The following HRK variants were observed in gnomAD, a reference collection of about 807,000 sequenced individuals.
HRK encodes the protein activator of apoptosis harakiri.
A neutral mutation model predicts 5.9 loss-of-function variants in HRK; 6 were observed. That is an observed-to-expected ratio of 1.02 (90% CI 0.56 to 2.01). The LOEUF is 2.01. Ranked by LOEUF, HRK falls within the 30% of genes most tolerant of loss-of-function variation. HRK has a pLI of 0.00. For missense variants in HRK, 133 were observed against 128.3 expected (o/e 1.04, Z -0.18); for synonymous variants, 85 against 65.1 (o/e 1.31, Z -1.47).
chr12:116,881,293 G>GGGGCAC lies in HRK; in HGVS notation c.9_14dup (p.Cys4_Pro5dup). 9.3e-7 allele frequency: 1 copy of GGGGCAC among 1,071,258 alleles called. No homozygotes were observed. The highest frequency in any genetic ancestry group is 1.1e-6 in the Non-Finnish European group (1 of 887,224). The allele number at this position is 1,071,258 out of a possible 1,614,324, so 66.4% of individuals were successfully genotyped here. A position where few individuals can be genotyped will look rare whatever the true frequency, so the allele number is the denominator to read the frequency against. Reference sequence around the variant, plus strand: ...CCGGGGGGCCGCGGCCGCGGTGCAGGGGGCACGGGCACATGACCGCTGGCC... The same window carrying GGGGCAC: ...CCGGGGGGCCGCGGCCGCGGTGCAGGGGGCACGGGCACGGGCACATGACCGCTGGCC... On this transcript the variant is annotated inframe_insertion, in exon 1 of 2. Transcript: ENST00000257572.
At chr12:116,874,106 T>C (rs1033181709) in intron 1 of HRK, among the ~76,000 whole-genome samples, 3 of 152,098 alleles carry the variant, frequency 2.0e-5, no homozygotes, top group African/African-American at 7.2e-5. Context: ...CTGGTTTATT[T>C]CTACTAAGAG....
chr12:116,865,698 G>T (rs374717382), intron 1 of HRK, among the ~76,000 whole-genome samples: 6 of 152,226 alleles, frequency 3.9e-5, no homozygotes, highest in African/African-American at 1.4e-4. Context: ...CAGTATTACC[G>T]GCTGGTTGTG....
chr12:116,869,179 G>A (rs965452570), intron 1 of HRK, among the ~76,000 whole-genome samples: 4 of 152,010 alleles, frequency 2.6e-5, no homozygotes, highest in Non-Finnish European at 4.4e-5. Flanking sequence ...GCGAGATTTC[G>A]CCATGTTGGC....
intron 1 of HRK, among the ~76,000 whole-genome samples, chr12:116,872,262 C>A (rs78061088): frequency 0.28 from 42,379 of 151,726 alleles, 6,379 homozygotes; most frequent in African/African-American, 0.41. Flanking sequence ...CCCAGCTACT[C>A]GGGAGGCTAA....
At chr12:116,865,266 G>A (rs746363736) in intron 1 of HRK, among the ~76,000 whole-genome samples, 4 of 152,192 alleles carry the variant, frequency 2.6e-5, no homozygotes, top group Non-Finnish European at 5.9e-5. Context: ...CCTTGGCCGG[G>A]TGTGGTGGCT....
intron 1 of HRK, among the ~76,000 whole-genome samples, chr12:116,876,973 G>T (rs577400593): frequency 6.6e-6 from 1 of 152,280 alleles, no homozygotes; most frequent in East Asian, 1.9e-4. Flanking sequence ...TCTCTGCCTC[G>T]GCTTCCCCTT....
Position 116,881,343 on chromosome 12 carries a change from GC to G in HRK, c.-37del. 1 of 1,051,628 alleles carries G rather than the reference GC, an allele frequency of 9.5e-7. No homozygotes were observed. The highest frequency in any genetic ancestry group is 1.1e-6 in the Non-Finnish European group (1 of 874,612). The allele number at this position is 1,051,628 out of a possible 1,614,324, so 65.1% of individuals were successfully genotyped here. ...CTCGCTCCCGCCCCGCGCTCGGGCC[GC>G]CCCTCGCCTCCTCTCCCTCCGGCCT... On this transcript the variant is annotated 5_prime_UTR_variant, in exon 1 of 2. Transcript: ENST00000257572.
At chr12:116,866,327 CAGG>C (rs1295247889) in intron 1 of HRK, among the ~76,000 whole-genome samples, 1 of 145,918 alleles carries the variant, frequency 6.9e-6, no homozygotes, top group Non-Finnish European at 1.5e-5. Flanking sequence ...GTGGCTGAGG[CAGG>C]AGGATTGCTT....
At chr12:116,871,752 C>T (rs967906999) in intron 1 of HRK, among the ~76,000 whole-genome samples, 3 of 151,300 alleles carry the variant, frequency 2.0e-5, no homozygotes, top group Non-Finnish European at 2.9e-5. Flanking sequence ...CTCAGCCTCC[C>T]GAGTAGCAGG....
Position 116,873,291 on chromosome 12 carries a change from C to G in HRK, c.*56+7685G>C, listed in dbSNP as rs1006539812. The stretch of plus-strand genomic sequence containing the variant: ...CTGGGATTACAGGCACATGCCACCA[C>G]GCCTGACTACAATTTTCTTTTATTC... On this transcript the variant is annotated intron_variant, in intron 1 of 1. Coordinates refer to ENST00000257572, the MANE Select transcript of HRK (RefSeq NM_003806.4). 2.0e-5 allele frequency among the ~76,000 whole-genome samples: 3 copies of G among 152,128 alleles called. No homozygotes were observed. In the East Asian group the frequency reaches 5.8e-4, roughly 29 times the overall value.
chr12:116,861,938 T>A (rs1352238102), intron 1 of HRK, among the ~76,000 whole-genome samples: 1 of 152,226 alleles, frequency 6.6e-6, no homozygotes, highest in Non-Finnish European at 1.5e-5. Flanking sequence ...TTCCCAAGTA[T>A]GCCAAGTGCC....
At chr12:116,873,549 T>A (rs746087456) in intron 1 of HRK, among the ~76,000 whole-genome samples, 3 of 151,524 alleles carry the variant, frequency 2.0e-5, no homozygotes, top group Non-Finnish European at 2.9e-5. Context: ...AATTTCTTAT[T>A]TTTTGTAGAG....
At chr12:116,870,493 A>G (rs1181181787) in intron 1 of HRK, among the ~76,000 whole-genome samples, 1 of 152,144 alleles carries the variant, frequency 6.6e-6, no homozygotes, top group Admixed American at 6.5e-5. Flanking sequence ...CCAGCTCAAA[A>G]GCCAACAGAC....
In HRK at chr12:116,866,760, C is replaced by A. The variant is rs552503173; in HGVS notation, c.*57-5294G>T. On this transcript the variant is annotated intron_variant, in intron 1 of 1. Coordinates refer to ENST00000257572, the MANE Select transcript of HRK (RefSeq NM_003806.4). Reference sequence around the variant, plus strand: ...CTTACGGCAGGTGGGCCTTGGAAGCCCAACTCGCTTGACTTTCAGAAGGGT... The same window carrying A: ...CTTACGGCAGGTGGGCCTTGGAAGCACAACTCGCTTGACTTTCAGAAGGGT... Among the ~76,000 whole-genome samples the A allele has an allele frequency of 2.2e-3, 328 of 152,134 alleles. 4 individuals are homozygous for A. Among genetic ancestry groups the A allele is most frequent in the Non-Finnish European group, 6.5e-4 (44 of 68,004 alleles).
At position 116,862,966 on chromosome 12, in the gene HRK, A is replaced by G. The variant is rs4767464; in HGVS notation, c.*57-1500T>C. ...TTGGCCAGACTGGTCTTGAACTCCTATCTTCAAGTGATCCACCCACCTCAG... is the reference window on the plus strand; with the variant it reads ...TTGGCCAGACTGGTCTTGAACTCCTGTCTTCAAGTGATCCACCCACCTCAG... On this transcript the variant is annotated intron_variant, in intron 1 of 1. Transcript: ENST00000257572. The surrounding 1 kb of genome is among the most constrained non-coding windows in gnomAD (Gnocchi z 4.0). 0.95 allele frequency among the ~76,000 whole-genome samples: 144,014 copies of G among 152,128 alleles called. 68,237 individuals carry two copies. Among genetic ancestry groups the G allele is most frequent in the African/African-American group, 0.98 (40,882 of 41,520 alleles).
In HRK at chr12:116,856,964, A is replaced by C. The variant is rs532262734; in HGVS notation, c.*4559T>G. On this transcript the variant is annotated 3_prime_UTR_variant, in exon 2 of 2. Coordinates refer to ENST00000257572, the MANE Select transcript of HRK (RefSeq NM_003806.4). The surrounding 1 kb of genome is among the most constrained non-coding windows in gnomAD (Gnocchi z 4.4). ...TTGGGAGTGGCGAGCACGCCATAAA[A>C]GGTAGCTTTGATTATTGTGTAAAGC... The C allele has an allele frequency of 2.6e-5, 4 of 152,388 alleles. No individual in the cohort carries two copies. The highest frequency in any genetic ancestry group is 1.9e-4 in the East Asian group (1 of 5,188). 9.4% of individuals were successfully genotyped at this position (152,388 alleles called of 1,614,324 possible).
intron 1 of HRK, among the ~76,000 whole-genome samples, chr12:116,863,586 C>A (rs1180908238): frequency 6.6e-6 from 1 of 152,152 alleles, no homozygotes; most frequent in Non-Finnish European, 1.5e-5. Flanking sequence ...TACTCGGGCC[C>A]TAATGGATAC....
At chr12:116,870,728 A>T (rs1005145647) in intron 1 of HRK, among the ~76,000 whole-genome samples, 21 of 152,174 alleles carry the variant, frequency 1.4e-4, no homozygotes, top group African/African-American at 5.1e-4. Context: ...ACTTGAGCCC[A>T]GGTCGAGGCT....
intron 1 of HRK, among the ~76,000 whole-genome samples, chr12:116,875,263 C>T (rs964325697): frequency 5.3e-5 from 8 of 152,142 alleles, no homozygotes; most frequent in East Asian, 1.9e-4. Flanking sequence ...GAACCACTCC[C>T]GCCCAGAGAC....
Sources: allele counts gnomAD v4.1 joint callset (sites outside exome capture counted in the v4.1 genomes callset), GRCh38; gene constraint gnomAD v4.1.1; non-coding constraint Gnocchi (gnomAD v3.1); transcripts MANE v1.5; gene names NCBI Gene and HGNC (gene_info 2026-07-23, HGNC 2026-07-21).